GTF2H3: variants seen among roughly 807,000 people sequenced by gnomAD.
GTF2H3 encodes general transcription factor IIH subunit 3, also known as TFIIH basal transcription factor complex p34 subunit.
GTF2H3 carries 42 observed loss-of-function variants against 51.1 expected under a neutral mutation model. The observed-to-expected ratio is 0.82, with a 90% confidence interval of 0.64 to 1.06. The LOEUF (loss-of-function observed/expected upper bound fraction) is 1.06. Ranked by LOEUF, GTF2H3 falls within the 50% of genes least tolerant of loss-of-function variation. The pLI, the probability that GTF2H3 is intolerant of heterozygous loss-of-function variation, is 0.00. For synonymous variants in GTF2H3, 123 were observed against 123.8 expected (o/e 0.99, Z 0.04); for missense variants, 326 against 366.1 (o/e 0.89, Z 0.89).
intron 2 of GTF2H3, among the ~76,000 whole-genome samples, chr12:123,642,863 A>G (rs1223429956): frequency 6.6e-6 from 1 of 152,152 alleles, no homozygotes; most frequent in Non-Finnish European, 1.5e-5. Flanking sequence ...CTCATTTTTC[A>G]GCTGAAACCA....
At chr12:123,641,527 G>GTTTTTTTTTTTTTTTTTT (rs112546170) in intron 2 of GTF2H3, among the ~76,000 whole-genome samples, 1 of 128,548 alleles carries the variant, frequency 7.8e-6, no homozygotes. Context: ...GTCTGCCCCC[G>GTTTTTTTTTTTTTTTTTT]TTTTTTTTTT....
At chr12:123,639,477 T>G (rs1955336871) in intron 2 of GTF2H3, 134 bp downstream of exon 2, 1 of 555,638 alleles carries the variant, frequency 1.8e-6, no homozygotes, top group Non-Finnish European at 3.3e-6. Context: ...CAGTGATTTT[T>G]TTTAAGTAAA....
At chr12:123,657,038 G>A (rs929576138) in intron 9 of GTF2H3, among the ~76,000 whole-genome samples, 3 of 152,062 alleles carry the variant, frequency 2.0e-5, no homozygotes, top group African/African-American at 7.2e-5. Flanking sequence ...AGTCAGCTAC[G>A]ATCATGCCAC....
At chr12:123,651,594 C>G (rs569377329) in intron 5 of GTF2H3, among the ~76,000 whole-genome samples, 8 of 151,818 alleles carry the variant, frequency 5.3e-5, no homozygotes, top group Middle Eastern at 6.8e-3. Context: ...CCGAGGCAGG[C>G]GGATCATGAG....
At chr12:123,635,257 GT>G (rs1302584456) in intron 1 of GTF2H3, among the ~76,000 whole-genome samples, 1 of 151,836 alleles carries the variant, frequency 6.6e-6, no homozygotes, top group Non-Finnish European at 1.5e-5. Flanking sequence ...ACATTTTTTT[GT>G]TTTGTTTTTC....
intron 2 of GTF2H3, among the ~76,000 whole-genome samples, chr12:123,640,224 G>C (rs753083264): frequency 2.0e-5 from 3 of 151,808 alleles, no homozygotes; most frequent in Non-Finnish European, 4.4e-5. Context: ...TTGCCTGTCT[G>C]TACTCCCAGG....
Position 123,662,492 on chromosome 12 carries a change from T to A in GTF2H3, c.*2257T>A, listed in dbSNP as rs1208510555. ...AAGCTAGCAAGGCTTTTATTATTAC[T>A]TTTTTATTTGAAATATCTTATATAT... is the stretch of plus-strand genomic sequence containing the variant. On this transcript the variant is annotated 3_prime_UTR_variant, in exon 13 of 13. Coordinates refer to ENST00000543341, the MANE Select transcript of GTF2H3 (RefSeq NM_001516.5). 5 of 152,196 alleles carry A rather than the reference T, an allele frequency of 3.3e-5. No individual in the cohort carries two copies. The highest frequency in any genetic ancestry group is 1.3e-4 in the Admixed American group (2 of 15,280). The allele number at this position is 152,196 out of a possible 1,614,324, so 9.4% of individuals were successfully genotyped here.
At chr12:123,634,310 C>T (rs1046743796) in intron 1 of GTF2H3, among the ~76,000 whole-genome samples, 9 of 152,034 alleles carry the variant, frequency 5.9e-5, no homozygotes, top group African/African-American at 1.9e-4. Context: ...GGCGTGGTAG[C>T]GCGTGTCTGT....
At chr12:123,644,441 G>A (rs1012275884) in intron 2 of GTF2H3, among the ~76,000 whole-genome samples, 1 of 152,120 alleles carries the variant, frequency 6.6e-6, no homozygotes, top group Non-Finnish European at 1.5e-5. Flanking sequence ...GCCGAGGCGG[G>A]CGGATCATGA....
intron 3 of GTF2H3, among the ~76,000 whole-genome samples, chr12:123,646,679 G>A (rs192893424): frequency 1.3e-5 from 2 of 152,278 alleles, no homozygotes; most frequent in East Asian, 3.9e-4. Flanking sequence ...CTGGTGAGGT[G>A]AGAGAGCCCA....
chr12:123,638,728 C>T (rs751091486), intron 1 of GTF2H3, among the ~76,000 whole-genome samples: 1 of 151,188 alleles, frequency 6.6e-6, no homozygotes, highest in Non-Finnish European at 1.5e-5. Flanking sequence ...ACATTTAGTG[C>T]ATTGGAGATA....
intron 10 of GTF2H3, 51 bp downstream of exon 10, chr12:123,659,635 T>A (rs1955629662): frequency 6.4e-7 from 1 of 1,568,054 alleles, no homozygotes; most frequent in Non-Finnish European, 8.8e-7. Flanking sequence ...GGATGACCTC[T>A]GTGTCCTGGG....
chr12:123,641,694 C>A (rs1337738387), intron 2 of GTF2H3, among the ~76,000 whole-genome samples: 1 of 152,042 alleles, frequency 6.6e-6, no homozygotes, highest in African/African-American at 2.4e-5. Context: ...TGGTTGCGTT[C>A]ATATCTGCTA....
intron 2 of GTF2H3, among the ~76,000 whole-genome samples, chr12:123,640,153 C>G (rs902873048): frequency 6.6e-6 from 1 of 152,086 alleles, no homozygotes; most frequent in African/African-American, 2.4e-5. Flanking sequence ...AGCCACCGCA[C>G]CTGGCTGATT....
intron 9 of GTF2H3, among the ~76,000 whole-genome samples, chr12:123,657,212 C>T (rs1432641327): frequency 6.6e-6 from 1 of 151,804 alleles, no homozygotes; most frequent in African/African-American, 2.4e-5. Context: ...ATTACTTTTG[C>T]ACCAACCTAA....
In GTF2H3 at chr12:123,647,946, T is replaced by C; in HGVS notation, c.201-17T>C. 1.2e-6 allele frequency: 2 copies of C among 1,606,424 alleles called. No homozygotes were observed. Among genetic ancestry groups the C allele is most frequent in the Middle Eastern group, 1.7e-4 (1 of 6,024 alleles). On this transcript the variant is annotated splice_polypyrimidine_tract_variant and intron_variant, in intron 3 of 12. Coordinates refer to ENST00000543341, the MANE Select transcript of GTF2H3 (RefSeq NM_001516.5). Reference sequence around the variant, plus strand: ...GTGAGGCCTGGTGTAACCAGGTTTTTTCCCCTGCTGTTTCAGCCGATTCTT... The same window carrying C: ...GTGAGGCCTGGTGTAACCAGGTTTTCTCCCCTGCTGTTTCAGCCGATTCTT...
rs1288744704 is a variant in GTF2H3, at chr12:123,657,398, GC to G, written c.615+1579del. 2.0e-5 allele frequency among the ~76,000 whole-genome samples: 3 copies of G among 152,034 alleles called. No homozygotes were observed. In the East Asian group the frequency reaches 5.8e-4, roughly 29 times the overall value. The stretch of plus-strand genomic sequence containing the variant: ...TCTCCCTCTTCAGTCCGGCCCCACC[GC>G]CCCCTTGCTATTGCCTGAAACAGGC... On this transcript the variant is annotated intron_variant, in intron 9 of 12. Transcript: ENST00000543341.
chr12:123,647,982 A>G lies in GTF2H3; in HGVS notation c.220A>G (p.Lys74Glu), dbSNP rs1955471843. ...IQESRFLYPG[K>E]NGRLGDFFGD... ...TTTCAGCCGATTCTTATATCCTGGA[A>G]AGAATGGCAGACTTGGAGACTTCTT... is the stretch of plus-strand genomic sequence containing the variant. Residue 74 changes from lysine (K) to glutamate (E), a missense_variant, in exon 4 of 13, where the codon AAG becomes GAG. Lys to Glu is a moderately conservative substitution (Grantham distance 56). Transcript: ENST00000543341. 5.0e-6 allele frequency: 8 copies of G among 1,613,732 alleles called. No individual in the cohort carries two copies. Among genetic ancestry groups the G allele is most frequent in the Non-Finnish European group, 5.9e-6 (7 of 1,179,884 alleles).
At chr12:123,656,861 G>C (rs996689650) in intron 9 of GTF2H3, among the ~76,000 whole-genome samples, 1 of 152,166 alleles carries the variant, frequency 6.6e-6, no homozygotes, top group African/African-American at 2.4e-5. Flanking sequence ...TCAGGCGGGT[G>C]GATGGCTTGA....
Sources: allele counts gnomAD v4.1 joint callset (sites outside exome capture counted in the v4.1 genomes callset), GRCh38; gene constraint gnomAD v4.1.1; transcripts MANE v1.5; gene names NCBI Gene and HGNC (gene_info 2026-07-23, HGNC 2026-07-21).